The following SLC40A1 variants were observed in gnomAD, a reference collection of about 807,000 sequenced individuals.
SLC40A1 encodes the protein solute carrier family 40 member 1.
A neutral mutation model predicts 53.5 loss-of-function variants in SLC40A1; 16 were observed. The observed-to-expected ratio is 0.30, with a 90% CI of 0.20 to 0.45. SLC40A1 has a LOEUF of 0.45. Ranked by LOEUF, SLC40A1 falls within the 20% of genes least tolerant of loss-of-function variation. The pLI is 1.00. For missense variants in SLC40A1, 545 were observed against 695.4 expected (o/e 0.78, Z 2.43); for synonymous variants, 247 against 253.2 (o/e 0.98, Z 0.23).
At position 189,565,468 on chromosome 2, in the gene SLC40A1, T is replaced by G. The variant is rs757531583; in HGVS notation, c.646A>C (p.Met216Leu). ...CAGAGCAGAACGTACTCCACGCACATGGATACCAAGTTCCATCCCGAAATA... is the reference window on the plus strand; with the variant it reads ...CAGAGCAGAACGTACTCCACGCACAGGGATACCAAGTTCCATCCCGAAATA... ...GFISGWNLVSMCVEYVLLWKV... is the reference protein window; with the variant it reads ...GFISGWNLVSLCVEYVLLWKV... The change falls in exon 6 of 8, where the codon ATG (methionine) becomes CTG (leucine). Residue 216 changes from methionine (M) to leucine (L), a missense_variant. Met to Leu is a conservative substitution (Grantham distance 15, BLOSUM62 2). This residue lies in a region of SLC40A1 where 197 missense variants were observed against 278.8 expected (regional missense o/e 0.71). Coordinates refer to ENST00000261024, the MANE Select transcript of SLC40A1 (RefSeq NM_014585.6). The G allele has an allele frequency of 8.7e-6, 14 of 1,614,108 alleles. No individual in the cohort carries two copies. The highest frequency in any genetic ancestry group is 1.7e-5 in the Admixed American group (1 of 60,004).
intron 5 of SLC40A1, among the ~76,000 whole-genome samples, chr2:189,568,275 T>C (rs1476442687): frequency 6.6e-6 from 1 of 151,136 alleles, no homozygotes; most frequent in East Asian, 1.9e-4. Flanking sequence ...GATCACGAGG[T>C]CAGGAGATCA....
Position 189,573,541 on chromosome 2 carries a change from C to A in SLC40A1, c.272-580G>T, listed in dbSNP as rs559204474. 6.3e-4 allele frequency among the ~76,000 whole-genome samples: 96 copies of A among 152,280 alleles called. 1 individual carries two copies. Among genetic ancestry groups the A allele is most frequent in the African/African-American group, 2.3e-3 (94 of 41,566 alleles). On this transcript the variant is annotated intron_variant, in intron 3 of 7. Transcript: ENST00000261024. ...CACAGATGGCAATTCTCTTATGAGG[C>A]GCCCATATAGATAAAGCACTGGAGT...
Position 189,580,314 on chromosome 2 carries a change from A to G in SLC40A1, c.43+104T>C, listed in dbSNP as rs944669425. On this transcript the variant is annotated intron_variant, in intron 1 of 7. Coordinates refer to ENST00000261024, the MANE Select transcript of SLC40A1 (RefSeq NM_014585.6). ...AGTCAAAGGATCTTTTTACAAAGCT[A>G]TGGTTCACAGCAGAGCCACATTCCT... 11 of 1,165,232 alleles carry G rather than the reference A, an allele frequency of 9.4e-6. No individual in the cohort carries two copies. The Admixed American group carries it at 1.2e-4, about 13-fold the overall frequency. 72.2% of individuals were successfully genotyped at this position (1,165,232 alleles called of 1,614,324 possible). A position where few individuals can be genotyped will look rare whatever the true frequency, so the allele number is the denominator to read the frequency against.
intron 6 of SLC40A1, among the ~76,000 whole-genome samples, chr2:189,564,454 T>TC: frequency 6.6e-6 from 1 of 152,000 alleles, no homozygotes; most frequent in Non-Finnish European, 1.5e-5. Flanking sequence ...CCCTCTTTTT[T>TC]TTCTCTCTCT....
chr2:189,574,765 T>C (rs904124747), intron 3 of SLC40A1, among the ~76,000 whole-genome samples: 64 of 152,324 alleles, frequency 4.2e-4, no homozygotes, highest in African/African-American at 1.4e-3. Context: ...ACATGAAACA[T>C]AGTAACCAAA....
chr2:189,573,027 C>T, intron 3 of SLC40A1, 66 bp from the exon 4 acceptor site: 1 of 1,072,278 alleles, frequency 9.3e-7, no homozygotes, highest in Admixed American at 1.7e-5. Context: ...TTCTTATCCA[C>T]ACATAATTGT....
chr2:189,566,112 G>C (rs2030932757), intron 5 of SLC40A1, among the ~76,000 whole-genome samples: 1 of 152,086 alleles, frequency 6.6e-6, no homozygotes, highest in Non-Finnish European at 1.5e-5. Context: ...ATGGTGAAAA[G>C]TAATGAAGCA....
At chr2:189,564,651 T>C (rs921961021) in intron 6 of SLC40A1, among the ~76,000 whole-genome samples, 4 of 151,994 alleles carry the variant, frequency 2.6e-5, no homozygotes, top group East Asian at 1.9e-4. Flanking sequence ...CCATCCTGGC[T>C]AACATGGTGA....
At chr2:189,576,826 CTTTTT>C (rs952414474) in intron 2 of SLC40A1, among the ~76,000 whole-genome samples, 1 of 152,108 alleles carries the variant, frequency 6.6e-6, no homozygotes, top group Admixed American at 6.5e-5. Flanking sequence ...TTGTTTCTTT[CTTTTT>C]TTCTTACTCT....
At chr2:189,563,001 A>G (rs2030803385) in intron 7 of SLC40A1, among the ~76,000 whole-genome samples, 1 of 152,092 alleles carries the variant, frequency 6.6e-6, no homozygotes, top group Admixed American at 6.6e-5. Context: ...AGATGGCAGT[A>G]TAATTAATAT....
intron 2 of SLC40A1, among the ~76,000 whole-genome samples, chr2:189,575,883 CAT>C (rs1319268740): frequency 6.6e-6 from 1 of 152,126 alleles, no homozygotes; most frequent in African/African-American, 2.4e-5. Flanking sequence ...ATTCGAAAGT[CAT>C]AAAACAGCAG....
chr2:189,577,666 G>A (rs955092981), intron 2 of SLC40A1, among the ~76,000 whole-genome samples: 9 of 147,806 alleles, frequency 6.1e-5, no homozygotes, highest in Non-Finnish European at 1.2e-4. Context: ...CCAGGCTGGA[G>A]TGTAGTGGTG....
In SLC40A1 at chr2:189,575,230, C is replaced by G; in HGVS notation, c.202G>C (p.Val68Leu). ...CCCAGGACCAGAACAGACCCTGCCACCACCAGCCCGTAGACTGCTGTCAAA... is the reference window on the plus strand; with the variant it reads ...CCCAGGACCAGAACAGACCCTGCCAGCACCAGCCCGTAGACTGCTGTCAAA... ...LLLTAVYGLV[V>L]AGSVLVLGAI... Residue 68 changes from valine (V) to leucine (L), a missense_variant, in exon 3 of 8, where the codon GTG becomes CTG. This residue lies in a region of SLC40A1 where 197 missense variants were observed against 278.8 expected (regional missense o/e 0.71). Transcript: ENST00000261024. 6.2e-7 allele frequency: 1 copy of G among 1,614,168 alleles called. No individual in the cohort carries two copies. The highest frequency in any genetic ancestry group is 8.5e-7 in the Non-Finnish European group (1 of 1,180,002).
chr2:189,580,734 C>A lies in SLC40A1; in HGVS notation c.-274G>T. On this transcript the variant is annotated 5_prime_UTR_variant, in exon 1 of 8. Transcript: ENST00000261024. ...AAGCGGTTTGGGAGGCTCAGCAGGT[C>A]GTCCGAGCCTAGCGGACGCCCTGAG... 7.3e-7 allele frequency: 1 copy of A among 1,361,624 alleles called. No homozygotes were observed. The highest frequency in any genetic ancestry group is 9.5e-7 in the Non-Finnish European group (1 of 1,055,426). 84.3% of individuals were successfully genotyped at this position (1,361,624 alleles called of 1,614,324 possible).
intron 6 of SLC40A1, among the ~76,000 whole-genome samples, chr2:189,564,922 C>T (rs778230890): frequency 2.0e-5 from 3 of 152,214 alleles, no homozygotes; most frequent in Non-Finnish European, 2.9e-5. Flanking sequence ...AGAAGCCCAG[C>T]GTCCTCTTCT....
chr2:189,564,276 A>AAGCCAATTATT, intron 6 of SLC40A1, 51 bp from the exon 7 acceptor site: 5 of 1,541,816 alleles, frequency 3.2e-6, no homozygotes, highest in Non-Finnish European at 4.5e-6. Context: ...GTAGAAATAA[A>AAGCCAATTATT]AGCCAATTAT....
Position 189,580,637 on chromosome 2 carries a change from G to A in SLC40A1, c.-177C>T, listed in dbSNP as rs2031439002. 1.3e-6 allele frequency: 2 copies of A among 1,527,052 alleles called. No individual in the cohort carries two copies. The highest frequency in any genetic ancestry group is 2.1e-5 in the Admixed American group (1 of 48,708). The allele number at this position is 1,527,052 out of a possible 1,614,324, so 94.6% of individuals were successfully genotyped here. On this transcript the variant is annotated 5_prime_UTR_variant, in exon 1 of 8. Transcript: ENST00000261024. ...AAAGAACAAAAGAAAAGGGGCCCAG[G>A]GATTTTCTTTTTTCCTTCTTTCCAA...
chr2:189,561,795 G>T lies in SLC40A1; in HGVS notation c.*83C>A. The T allele has an allele frequency of 8.2e-7, 1 of 1,213,962 alleles. No individual in the cohort carries two copies. Among genetic ancestry groups the T allele is most frequent in the Non-Finnish European group, 1.2e-6 (1 of 827,430 alleles). The allele number at this position is 1,213,962 out of a possible 1,614,324, so 75.2% of individuals were successfully genotyped here. On this transcript the variant is annotated 3_prime_UTR_variant, in exon 8 of 8. Coordinates refer to ENST00000261024, the MANE Select transcript of SLC40A1 (RefSeq NM_014585.6). ...TGGTAAAAACAGAGCAAAACACCCA[G>T]CCATTTATTGGAATTCTGCAGTACA...
At chr2:189,563,539 A>G in intron 7 of SLC40A1, 45 bp downstream of exon 7, 1 of 1,570,138 alleles carries the variant, frequency 6.4e-7, no homozygotes, top group Non-Finnish European at 8.7e-7. Flanking sequence ...CCTACATTAC[A>G]AAAAGACACT....
Sources: allele counts gnomAD v4.1 joint callset (sites outside exome capture counted in the v4.1 genomes callset), GRCh38; gene constraint gnomAD v4.1.1; regional missense constraint gnomAD v4.1.1; transcripts MANE v1.5; gene names NCBI Gene and HGNC (gene_info 2026-07-23, HGNC 2026-07-21).